MTUS2: variants seen among roughly 807,000 people sequenced by gnomAD.
MTUS2 encodes microtubule-associated tumor suppressor candidate 2.
MTUS2 carries 40 observed loss-of-function variants against 114.1 expected under a neutral mutation model. The ratio of observed to expected loss-of-function variants is 0.35; its 90% CI spans 0.27 to 0.46. The LOEUF (loss-of-function observed/expected upper bound fraction) is 0.46. Among genes scored for constraint, MTUS2 ranks in the 20% least tolerant of loss-of-function variants. MTUS2 has a pLI of 1.00. For synonymous variants in MTUS2, 688 were observed against 672.0 expected, an observed-to-expected ratio of 1.02 and a Z score of -0.37; for missense variants, 1,679 against 1,705.4, an observed-to-expected ratio of 0.98 and a Z score of 0.27.
intron 2 of MTUS2, among the ~76,000 whole-genome samples, chr13:28,884,188 G>A (rs1258493357): frequency 6.6e-6 from 1 of 152,140 alleles, no homozygotes; most frequent in African/African-American, 2.4e-5. Flanking sequence ...TAAACAAAAT[G>A]TGGTATATAC....
intron 8 of MTUS2, chr13:29,428,506 G>A: frequency 2.7e-6 from 1 of 372,136 alleles, no homozygotes; most frequent in Non-Finnish European, 4.8e-6. Flanking sequence ...ATTGGTAAAT[G>A]CTCTGTGGTT....
intron 8 of MTUS2, among the ~76,000 whole-genome samples, chr13:29,413,174 A>G (rs1875393837): frequency 6.6e-6 from 1 of 152,166 alleles, no homozygotes; most frequent in African/African-American, 2.4e-5. Context: ...ACAACATAAC[A>G]TACTTATAGG....
chr13:29,080,771 G>A (rs960274033), intron 4 of MTUS2, among the ~76,000 whole-genome samples: 20 of 151,992 alleles, frequency 1.3e-4, no homozygotes, highest in African/African-American at 4.1e-4. Flanking sequence ...TGTCACCCTG[G>A]CTAGAATGCA....
intron 5 of MTUS2, among the ~76,000 whole-genome samples, chr13:29,257,122 C>G (rs973729792): frequency 6.6e-6 from 1 of 152,198 alleles, no homozygotes; most frequent in Non-Finnish European, 1.5e-5. Flanking sequence ...CCTACTGGAC[C>G]AGGTTCTCAT....
At chr13:29,140,710 A>C (rs1420548843) in intron 5 of MTUS2, among the ~76,000 whole-genome samples, 9 of 152,166 alleles carry the variant, frequency 5.9e-5, no homozygotes, top group Non-Finnish European at 1.3e-4. Flanking sequence ...CAATCACTAG[A>C]AAATCACCTC....
At chr13:28,908,902 A>G (rs765860147) in intron 2 of MTUS2, among the ~76,000 whole-genome samples, 1 of 151,788 alleles carries the variant, frequency 6.6e-6, no homozygotes, top group Non-Finnish European at 1.5e-5. Context: ...TCAGCTTTCT[A>G]CATATGGCTA....
chr13:28,837,328 G>A (rs1437749030), intron 1 of MTUS2, among the ~76,000 whole-genome samples: 1 of 152,150 alleles, frequency 6.6e-6, no homozygotes, highest in African/African-American at 2.4e-5. Flanking sequence ...CAGAGTTCAC[G>A]TCCTCAACTC....
At position 28,841,662 on chromosome 13, in the gene MTUS2, T is replaced by TTGTG. The variant is rs35199086; in HGVS notation, c.-243+1824_-243+1827dup. Among the ~76,000 whole-genome samples the TTGTG allele has an allele frequency of 3.7e-4, 56 of 150,446 alleles. No individual in the cohort carries two copies. In the South Asian group the frequency reaches 5.7e-3, roughly 15 times the overall value. Reference sequence around the variant, plus strand: ...TTTGTGGTGATGCAAAGTTAGTTCTTTGTGTGTGTGTGTGTTTTTTTTTGT... The same window carrying TTGTG: ...TTTGTGGTGATGCAAAGTTAGTTCTTTGTGTGTGTGTGTGTGTGTTTTTTTTTGT... On this transcript the variant is annotated intron_variant, in intron 2 of 15. Coordinates refer to ENST00000612955, the MANE Select transcript of MTUS2 (RefSeq NM_001033602.4).
At chr13:29,278,083 A>G (rs753615161) in intron 5 of MTUS2, among the ~76,000 whole-genome samples, 2 of 152,240 alleles carry the variant, frequency 1.3e-5, no homozygotes, top group African/African-American at 4.8e-5. Context: ...ACTATTTAAT[A>G]TACAGGCCTG....
chr13:29,503,661 C>G lies in MTUS2; in HGVS notation c.*455C>G, dbSNP rs558262652. ...TTAGTGAAGGTCAGCAGTTTTCTAA[C>G]TTGTGCCTAAGAATTATTGGGAAAT... On this transcript the variant is annotated 3_prime_UTR_variant, in exon 16 of 16. Coordinates refer to ENST00000612955, the MANE Select transcript of MTUS2 (RefSeq NM_001033602.4). The G allele has an allele frequency of 3.4e-5, 8 of 236,788 alleles. No individual in the cohort carries two copies. The South Asian group carries it at 1.2e-3, about 35-fold the overall frequency. 14.7% of individuals were successfully genotyped at this position (236,788 alleles called of 1,614,324 possible).
chr13:29,312,839 G>T (rs1255289094), intron 6 of MTUS2, among the ~76,000 whole-genome samples: 1 of 152,112 alleles, frequency 6.6e-6, no homozygotes, highest in Middle Eastern at 3.2e-3. Context: ...TATGTACAGG[G>T]ATTTCTCATT....
rs575688783 is a variant in MTUS2 at position 29,008,940 on chromosome 13, CT to C, written c.-242-15508del. Among the ~76,000 whole-genome samples the C allele has an allele frequency of 2.5e-3, 375 of 150,286 alleles. 3 individuals are homozygous for C. Among genetic ancestry groups the C allele is most frequent in the Non-Finnish European group, 4.4e-3 (296 of 67,458 alleles). ...TTTTGTTTTCTCCATTCTTCTTCTTCTTTTTTTTTCTGTGTATCTGTTAGAA... is the reference window on the plus strand; with the variant it reads ...TTTTGTTTTCTCCATTCTTCTTCTTCTTTTTTTTCTGTGTATCTGTTAGAA... On this transcript the variant is annotated intron_variant, in intron 2 of 15. Coordinates refer to ENST00000612955, the MANE Select transcript of MTUS2 (RefSeq NM_001033602.4).
intron 2 of MTUS2, among the ~76,000 whole-genome samples, chr13:28,869,638 G>A (rs1877501807): frequency 6.6e-6 from 1 of 152,112 alleles, no homozygotes; most frequent in African/African-American, 2.4e-5. Context: ...GGGCGTGGTG[G>A]TGCGTGCCTG....
chr13:29,248,217 A>C (rs936332171), intron 5 of MTUS2, among the ~76,000 whole-genome samples: 1 of 152,118 alleles, frequency 6.6e-6, no homozygotes, highest in African/African-American at 2.4e-5. Context: ...AAGGTGTAAG[A>C]ATAATATAAT....
At chr13:29,459,162 T>C (rs1879315772) in intron 9 of MTUS2, among the ~76,000 whole-genome samples, 2 of 152,206 alleles carry the variant, frequency 1.3e-5, no homozygotes, top group South Asian at 4.1e-4. Flanking sequence ...ATGGAGCCTC[T>C]AGTGGGGAAG....
intron 7 of MTUS2, among the ~76,000 whole-genome samples, chr13:29,325,134 G>T (rs868325656): frequency 7.9e-5 from 12 of 152,146 alleles, no homozygotes; most frequent in Non-Finnish European, 2.9e-5. Context: ...ACTACATAAG[G>T]TTGCTTGAAA....
At chr13:29,389,593 A>G (rs1566173702) in intron 8 of MTUS2, among the ~76,000 whole-genome samples, 1 of 133,980 alleles carries the variant, frequency 7.5e-6, no homozygotes, top group Non-Finnish European at 1.5e-5. Context: ...ACGTATACAT[A>G]TGTGTGTATA....
chr13:29,304,781 A>G (rs951200059), intron 6 of MTUS2, among the ~76,000 whole-genome samples: 2 of 152,206 alleles, frequency 1.3e-5, no homozygotes, highest in Non-Finnish European at 2.9e-5. Context: ...CCCTGGATCA[A>G]GTGGACTTGA....
At chr13:28,830,299 A>G (rs936864677) in intron 1 of MTUS2, among the ~76,000 whole-genome samples, 9 of 152,188 alleles carry the variant, frequency 5.9e-5, no homozygotes, top group African/African-American at 2.2e-4. Flanking sequence ...AAACAAAAGT[A>G]TCCCTGAGAA....
Sources: allele counts gnomAD v4.1 joint callset (sites outside exome capture counted in the v4.1 genomes callset), GRCh38; gene constraint gnomAD v4.1.1; transcripts MANE v1.5; gene names NCBI Gene and HGNC (gene_info 2026-07-23, HGNC 2026-07-21).